CHD1: variants seen among roughly 807,000 people sequenced by gnomAD.
CHD1 encodes chromodomain helicase DNA binding protein 1, also known as ATP-dependent chromatin remodeler CHD1.
In CHD1, 36 loss-of-function variants were observed where a neutral mutation model predicts 224.2. The ratio of observed to expected loss-of-function variants is 0.16; its 90% CI spans 0.12 to 0.21. The LOEUF is 0.21. Ranked by LOEUF, CHD1 falls within the 10% of genes least tolerant of loss-of-function variation. CHD1 has a pLI of 1.00. For missense variants in CHD1, 1,378 were observed against 1,994.8 expected, an observed-to-expected ratio of 0.69 and a Z score of 5.89; for synonymous variants, 668 against 658.3, an observed-to-expected ratio of 1.01 and a Z score of -0.23.
At chr5:98,905,766 C>T (rs1752010689) in intron 2 of CHD1, among the ~76,000 whole-genome samples, 1 of 152,138 alleles carries the variant, frequency 6.6e-6, no homozygotes, top group African/African-American at 2.4e-5. Flanking sequence ...CGTGTATACA[C>T]ACACATAAAA....
At chr5:98,860,878 T>G (rs1426835513) in intron 32 of CHD1, among the ~76,000 whole-genome samples, 1 of 152,190 alleles carries the variant, frequency 6.6e-6, no homozygotes, top group Admixed American at 6.5e-5. Context: ...GAAGGAAAAT[T>G]CATCTAGCCT....
At chr5:98,900,714 AG>A in intron 7 of CHD1, 96 bp downstream of exon 7, 1 of 1,077,988 alleles carries the variant, frequency 9.3e-7, no homozygotes, top group Non-Finnish European at 1.3e-6. Context: ...GGCCCCCCAA[AG>A]TACTGGGATT....
intron 8 of CHD1, 36 bp from the exon 9 acceptor site, chr5:98,898,800 T>G (rs1458786928): frequency 2.6e-6 from 3 of 1,172,358 alleles, no homozygotes; most frequent in Admixed American, 1.7e-5. Context: ...GACTTAAAAA[T>G]CTCCCATAAA....
intron 5 of CHD1, among the ~76,000 whole-genome samples, chr5:98,901,977 CTG>C (rs1384532815): frequency 6.6e-6 from 1 of 152,106 alleles, no homozygotes; most frequent in African/African-American, 2.4e-5. Flanking sequence ...CTTCATTGCT[CTG>C]TATCTTTTGC....
chr5:98,905,526 A>C (rs912994656), intron 2 of CHD1, among the ~76,000 whole-genome samples: 1 of 83,492 alleles, frequency 1.2e-5, no homozygotes, highest in East Asian at 2.1e-4. Flanking sequence ...AAATGTGTTA[A>C]AAAAAATTCT....
chr5:98,892,854 C>A, intron 14 of CHD1, 141 bp from the exon 15 acceptor site: 1 of 487,968 alleles, frequency 2.0e-6, no homozygotes, highest in South Asian at 4.8e-5. Flanking sequence ...AACTTAGTTA[C>A]CTCTAAAAAT....
chr5:98,925,961 AG>A (rs755027910), intron 2 of CHD1, among the ~76,000 whole-genome samples: 2 of 151,948 alleles, frequency 1.3e-5, no homozygotes, highest in African/African-American at 2.4e-5. Context: ...ACAAAATGCC[AG>A]AAAAAGATGA....
At chr5:98,896,898 T>C (rs1404147052) in intron 11 of CHD1, among the ~76,000 whole-genome samples, 4 of 151,548 alleles carry the variant, frequency 2.6e-5, no homozygotes. Context: ...TTAAAATAAC[T>C]AGGAAAAAGA....
intron 2 of CHD1, 54 bp downstream of exon 2, chr5:98,926,280 T>C: frequency 3.6e-6 from 4 of 1,097,616 alleles, no homozygotes; most frequent in East Asian, 2.7e-5. Flanking sequence ...AAGAAAAAAG[T>C]CAAGTTTTCA....
intron 2 of CHD1, among the ~76,000 whole-genome samples, chr5:98,911,024 A>G (rs972547258): frequency 6.6e-6 from 1 of 151,196 alleles, no homozygotes; most frequent in Admixed American, 6.6e-5. Context: ...ACTTCTAAAT[A>G]CTACTGCACA....
chr5:98,909,321 C>A (rs1752243825), intron 2 of CHD1, among the ~76,000 whole-genome samples: 1 of 152,100 alleles, frequency 6.6e-6, no homozygotes, highest in Non-Finnish European at 1.5e-5. Flanking sequence ...GCTATTATAT[C>A]TAGAGGCTTG....
chr5:98,926,989 G>A lies in CHD1; in HGVS notation c.-148-455C>T, dbSNP rs542861455. Among the ~76,000 whole-genome samples the A allele has an allele frequency of 2.6e-5, 4 of 151,112 alleles. No individual in the cohort carries two copies. The South Asian group carries it at 8.4e-4, about 32-fold the overall frequency. On this transcript the variant is annotated intron_variant, in intron 1 of 35. Transcript: ENST00000614616. The stretch of plus-strand genomic sequence containing the variant: ...CTATCACCAAGAACTTCATACACTT[G>A]AGTGAGAAAGTTCTGAAAACGCTCC...
In CHD1 at chr5:98,928,755, A is replaced by C. The variant is rs1030829826; in HGVS notation, c.-365T>G. ...CCCTGCGGAGTGGAGCTAACAATTCATTATTGAAGCACCAAGGGCGAGGGC... is the reference window on the plus strand; with the variant it reads ...CCCTGCGGAGTGGAGCTAACAATTCCTTATTGAAGCACCAAGGGCGAGGGC... On this transcript the variant is annotated 5_prime_UTR_variant, in exon 1 of 36. The change abolishes an upstream ATG in the 5' untranslated region. Transcript: ENST00000614616. The C allele has an allele frequency of 6.5e-6, 1 of 154,244 alleles. No individual in the cohort carries two copies. The highest frequency in any genetic ancestry group is 2.4e-5 in the African/African-American group (1 of 41,348). The allele number at this position is 154,244 out of a possible 1,614,324, so 9.6% of individuals were successfully genotyped here.
intron 30 of CHD1, chr5:98,869,013 C>T: frequency 1.2e-6 from 1 of 840,512 alleles, no homozygotes; most frequent in Middle Eastern, 6.1e-4. Flanking sequence ...GATTTGCATA[C>T]CTTTTCTTCC....
In CHD1 at chr5:98,859,033, G is replaced by A. The variant is rs369449667; in HGVS notation, c.4525-18C>T. Reference sequence around the variant, plus strand: ...CTGTTTTGCTAAAATAAATGCACACGTGTTAAGAATCTTTAGGTGACTTCA... The same window carrying A: ...CTGTTTTGCTAAAATAAATGCACACATGTTAAGAATCTTTAGGTGACTTCA... On this transcript the variant is annotated intron_variant, in intron 33 of 35. Transcript: ENST00000614616. 105 of 1,559,808 alleles carry A rather than the reference G, an allele frequency of 6.7e-5. No homozygotes were observed. The highest frequency in any genetic ancestry group is 1.7e-4 in the Admixed American group (8 of 46,116).
intron 25 of CHD1, among the ~76,000 whole-genome samples, chr5:98,874,310 AT>A (rs1020623544): frequency 2.4e-4 from 37 of 152,120 alleles, no homozygotes; most frequent in African/African-American, 8.7e-4. Context: ...AATCACAATA[AT>A]TACTGAGATT....
At chr5:98,913,693 T>G (rs907929107) in intron 2 of CHD1, among the ~76,000 whole-genome samples, 3 of 152,172 alleles carry the variant, frequency 2.0e-5, no homozygotes, top group African/African-American at 7.2e-5. Flanking sequence ...AACTAATTAT[T>G]TAATTATTTA....
At position 98,901,013 on chromosome 5, in the gene CHD1, A is replaced by T. The variant is rs371007031; in HGVS notation, c.657T>A (p.Asp219Glu). ...CATTATCATAATCTTCTTCATCATC[A>T]TCCTCCTCAGATGAATCAATCTGTC... The part of the protein sequence containing the change: ...KKRQIDSSEE[D>E]DDEEDYDNDK... Residue 219 changes from aspartate (D) to glutamate (E), a missense_variant, in exon 7 of 36, where the codon GAT (aspartate) becomes GAA (glutamate). By Grantham distance (45) the Asp-to-Glu change is conservative (BLOSUM62 2). Coordinates refer to ENST00000614616, the MANE Select transcript of CHD1 (RefSeq NM_001270.4). 5.6e-6 allele frequency: 9 copies of T among 1,613,556 alleles called. No individual in the cohort carries two copies. The highest frequency in any genetic ancestry group is 7.6e-6 in the Non-Finnish European group (9 of 1,179,730).
intron 2 of CHD1, among the ~76,000 whole-genome samples, chr5:98,911,144 A>ATATATATATATAGATATATAT (rs1321937045): frequency 1.4e-5 from 1 of 73,760 alleles, no homozygotes; most frequent in African/African-American, 6.7e-5. Flanking sequence ...AAAAAAAAAA[A>ATATATATATATAGATATATAT]AAATATATAT....
Sources: gnomAD v4.1 joint callset for allele counts (sites outside exome capture counted in the v4.1 genomes callset) on GRCh38, gnomAD v4.1.1 for gene constraint, MANE v1.5 for transcripts, NCBI Gene and HGNC (gene_info 2026-07-23, HGNC 2026-07-21) for gene names.